Variants in GLIPR1L1 observed in about 807,000 individuals in gnomAD.
GLIPR1L1 encodes the protein GLIPR1-like protein 1.
GLIPR1L1 carries 26 observed loss-of-function variants against 29.9 expected under a neutral mutation model. The observed-to-expected ratio is 0.87, with a 90% CI of 0.64 to 1.21. The LOEUF is 1.21. GLIPR1L1 is among the 50% of genes most tolerant of loss of function. The pLI is 0.00. For synonymous variants in GLIPR1L1, 77 were observed against 97.5 expected, an observed-to-expected ratio of 0.79 and a Z score of 1.24; for missense variants, 305 against 290.3, an observed-to-expected ratio of 1.05 and a Z score of -0.37.
In GLIPR1L1 at chr12:75,343,890, T is replaced by C. The variant is rs1221838108; in HGVS notation, c.372T>C (p.Tyr124=). ...CTTGGTATAATGAAACCCAATTTTA[T>C]GATTTTGATAGTCTATCATGCTCCA... The part of the protein sequence containing the change: ...ITAWYNETQF[Y]DFDSLSCSRV... The change falls in exon 2 of 6, where the codon TAT becomes TAC. Residue 124 remains tyrosine (Y), a synonymous_variant. Coordinates refer to ENST00000378695, the MANE Select transcript of GLIPR1L1 (RefSeq NM_001304964.2). 6.2e-7 allele frequency: 1 copy of C among 1,612,236 alleles called. No homozygotes were observed.
rs200172257 is a variant in GLIPR1L1, at chr12:75,370,142, T to C, written c.695T>C (p.Phe232Ser). 8.8e-5 allele frequency: 141 copies of C among 1,599,538 alleles called. No individual in the cohort carries two copies. Among genetic ancestry groups the C allele is most frequent in the Non-Finnish European group, 2.6e-6 (3 of 1,168,682 alleles). Residue 232 changes from phenylalanine to serine, a missense_variant, in exon 6 of 6, where the codon TTC becomes TCC. Transcript: ENST00000378695. The stretch of plus-strand genomic sequence containing the variant: ...CCTCAGCAGACAGCCTTTAATCCAT[T>C]CAGCTTAGGTTTTCTTCTTCTGAGA... Reference protein sequence around the residue: ...RAPQQTAFNPFSLGFLLLRIF With the variant: ...RAPQQTAFNPSSLGFLLLRIF
intron 4 of GLIPR1L1, chr12:75,369,719 C>T (rs2044232562): frequency 1.0e-6 from 1 of 984,920 alleles, no homozygotes; most frequent in African/African-American, 1.7e-5. Flanking sequence ...CTGGTTTTGA[C>T]TTTTGTGCCT....
At chr12:75,355,494 GAA>G (rs1346452965) in intron 3 of GLIPR1L1, among the ~76,000 whole-genome samples, 1 of 152,150 alleles carries the variant, frequency 6.6e-6, no homozygotes, top group African/African-American at 2.4e-5. Context: ...AGGTTGTGGA[GAA>G]ATAGGAACGT....
At position 75,363,092 on chromosome 12, in the gene GLIPR1L1, T is replaced by C; in HGVS notation, c.522-10T>C. On this transcript the variant is annotated splice_polypyrimidine_tract_variant and intron_variant, in intron 3 of 5. Coordinates refer to ENST00000378695, the MANE Select transcript of GLIPR1L1 (RefSeq NM_001304964.2). ...GCCATTTGGCTAATCAATGTTTCTC[T>C]TTTTTACAGAGGAAATTTTGCAAAT... is the stretch of plus-strand genomic sequence containing the variant. 1 of 1,491,954 alleles carries C rather than the reference T, an allele frequency of 6.7e-7. No homozygotes were observed. Among genetic ancestry groups the C allele is most frequent in the South Asian group, 1.3e-5 (1 of 77,084 alleles). 92.4% of individuals were successfully genotyped at this position (1,491,954 alleles called of 1,614,324 possible).
chr12:75,369,269 A>G (rs2044195925), intron 4 of GLIPR1L1, among the ~76,000 whole-genome samples: 1 of 151,870 alleles, frequency 6.6e-6, no homozygotes. Context: ...CCCAGTTTAT[A>G]TTTTGTAGCA....
intron 1 of GLIPR1L1, among the ~76,000 whole-genome samples, chr12:75,338,740 C>G (rs539553196): frequency 6.6e-6 from 1 of 152,066 alleles, no homozygotes; most frequent in Non-Finnish European, 1.5e-5. Context: ...CTTCCTGAAG[C>G]TCTCTCTCCT....
At chr12:75,351,550 G>GTTT (rs1175807861) in intron 3 of GLIPR1L1, among the ~76,000 whole-genome samples, 1 of 131,076 alleles carries the variant, frequency 7.6e-6, no homozygotes, top group African/African-American at 2.7e-5. Context: ...GTTTTGTTTT[G>GTTT]TTTTTTTTTT....
intron 3 of GLIPR1L1, among the ~76,000 whole-genome samples, chr12:75,349,691 A>G (rs2042677951): frequency 6.6e-6 from 1 of 152,214 alleles, no homozygotes; most frequent in African/African-American, 2.4e-5. Flanking sequence ...GAAATATTAG[A>G]CATTCCAGAA....
In GLIPR1L1 at chr12:75,334,803, C is replaced by G; in HGVS notation, c.75C>G (p.Ile25Met). 1 of 1,614,098 alleles carries G rather than the reference C, an allele frequency of 6.2e-7. No homozygotes were observed. Among genetic ancestry groups the G allele is most frequent in the East Asian group, 2.2e-5 (1 of 44,874 alleles). The change falls in exon 1 of 6, where the codon ATC becomes ATG. Residue 25 changes from isoleucine to methionine, a missense_variant. Coordinates refer to ENST00000378695, the MANE Select transcript of GLIPR1L1 (RefSeq NM_001304964.2). The part of the protein sequence containing the change: ...LCLVATTSSK[I>M]PSITDPHFID... Reference sequence around the variant, plus strand: ...TGGTAGCCACTACATCTTCCAAAATCCCATCCATCACTGACCCACACTTTA... The same window carrying G: ...TGGTAGCCACTACATCTTCCAAAATGCCATCCATCACTGACCCACACTTTA...
intron 3 of GLIPR1L1, among the ~76,000 whole-genome samples, chr12:75,354,410 GA>G (rs771880329): frequency 2.0e-5 from 3 of 151,656 alleles, no homozygotes; most frequent in Non-Finnish European, 4.4e-5. Flanking sequence ...AGATACCTAG[GA>G]ATACAGCTAA....
chr12:75,347,133 G>T (rs1565969090), intron 2 of GLIPR1L1, among the ~76,000 whole-genome samples: 2 of 151,528 alleles, frequency 1.3e-5, no homozygotes, highest in African/African-American at 2.4e-5. Flanking sequence ...AACTCAATAT[G>T]TTTTTCATTC....
intron 1 of GLIPR1L1, among the ~76,000 whole-genome samples, chr12:75,341,192 T>C: frequency 6.6e-6 from 1 of 152,220 alleles, no homozygotes; most frequent in East Asian, 1.9e-4. Context: ...TCAATGCTCT[T>C]GAGAAACAGG....
At chr12:75,341,095 G>A (rs1047150871) in intron 1 of GLIPR1L1, among the ~76,000 whole-genome samples, 1 of 151,680 alleles carries the variant, frequency 6.6e-6, no homozygotes, top group Non-Finnish European at 1.5e-5. Context: ...GCACTTCTGG[G>A]CACTTTTTCC....
At chr12:75,351,735 C>T (rs1013751769) in intron 3 of GLIPR1L1, among the ~76,000 whole-genome samples, 1 of 152,008 alleles carries the variant, frequency 6.6e-6, no homozygotes, top group Non-Finnish European at 1.5e-5. Flanking sequence ...TTAGTACAGA[C>T]GGGGTTTTGC....
chr12:75,337,965 T>C (rs2041851238), intron 1 of GLIPR1L1, among the ~76,000 whole-genome samples: 1 of 152,118 alleles, frequency 6.6e-6, no homozygotes, highest in Admixed American at 6.5e-5. Flanking sequence ...TTCATCAATC[T>C]AAATAGTCTT....
Position 75,363,092 on chromosome 12 carries a change from T to G in GLIPR1L1, c.522-10T>G, listed in dbSNP as rs1269711157. The G allele has an allele frequency of 1.3e-6, 2 of 1,491,956 alleles. No homozygotes were observed. The highest frequency in any genetic ancestry group is 1.8e-6 in the Non-Finnish European group (2 of 1,102,482). The allele number at this position is 1,491,956 out of a possible 1,614,324, so 92.4% of individuals were successfully genotyped here. On this transcript the variant is annotated splice_polypyrimidine_tract_variant and intron_variant, in intron 3 of 5. Coordinates refer to ENST00000378695, the MANE Select transcript of GLIPR1L1 (RefSeq NM_001304964.2). ...GCCATTTGGCTAATCAATGTTTCTC[T>G]TTTTTACAGAGGAAATTTTGCAAAT...
At chr12:75,338,326 A>G (rs1430251410) in intron 1 of GLIPR1L1, among the ~76,000 whole-genome samples, 2 of 152,140 alleles carry the variant, frequency 1.3e-5, no homozygotes, top group African/African-American at 4.8e-5. Context: ...AACTGGAAAC[A>G]CCATTAACAG....
At chr12:75,343,339 A>G (rs2042240467) in intron 1 of GLIPR1L1, among the ~76,000 whole-genome samples, 1 of 151,954 alleles carries the variant, frequency 6.6e-6, no homozygotes, top group Non-Finnish European at 1.5e-5. Context: ...TTAATTATCA[A>G]TGAGTATTCA....
At chr12:75,354,776 A>C (rs958989893) in intron 3 of GLIPR1L1, among the ~76,000 whole-genome samples, 2 of 152,194 alleles carry the variant, frequency 1.3e-5, no homozygotes, top group Admixed American at 6.5e-5. Flanking sequence ...TGGTACAAAA[A>C]CAGACACACA....
Sources: gnomAD v4.1 joint callset for allele counts (sites outside exome capture counted in the v4.1 genomes callset) on GRCh38, gnomAD v4.1.1 for gene constraint, MANE v1.5 for transcripts, NCBI Gene and HGNC (gene_info 2026-07-23, HGNC 2026-07-21) for gene names.